Variants in EPHA8 observed in about 807,000 individuals in gnomAD.
EPHA8 encodes the protein ephrin type-A receptor 8.
EPHA8 carries 58 observed loss-of-function variants against 103.6 expected under a neutral mutation model. That is an observed-to-expected ratio of 0.56 (90% confidence interval 0.45 to 0.70). EPHA8 has a LOEUF of 0.70. EPHA8 is among the 30% of genes least tolerant of loss of function. EPHA8 has a pLI of 0.00. For synonymous variants in EPHA8, 559 were observed against 572.5 expected, an observed-to-expected ratio of 0.98 and a Z score of 0.34; for missense variants, 1,304 against 1,395.2, an observed-to-expected ratio of 0.93 and a Z score of 1.04.
chr1:22,570,112 G>A (rs1172434106), intron 2 of EPHA8, among the ~76,000 whole-genome samples: 1 of 152,196 alleles, frequency 6.6e-6, no homozygotes, highest in African/African-American at 2.4e-5. Flanking sequence ...TCTTGGCACC[G>A]AGTCTGGCAC....
rs1233938022 is a variant in EPHA8, at chr1:22,576,251, A to G, written c.194A>G (p.Gln65Arg). The change falls in exon 3 of 17, where the codon CAG (glutamine) becomes CGG (arginine). Residue 65 changes from glutamine (Q) to arginine (R), a missense_variant. Gln to Arg is a conservative substitution (Grantham distance 43, BLOSUM62 1). Coordinates refer to ENST00000166244, the MANE Select transcript of EPHA8 (RefSeq NM_020526.5). This position sits in a 1 kb window ranked among gnomAD's most constrained non-coding sequence, Gnocchi z 4.8. The part of the protein sequence containing the change: ...DSINEVDESF[Q>R]PIHTYQVCNV... ...ATCAACGAGGTGGACGAGTCCTTCC[A>G]GCCCATCCACACGTACCAGGTTTGC... 6.2e-7 allele frequency: 1 copy of G among 1,612,896 alleles called. No homozygotes were observed. The highest frequency in any genetic ancestry group is 8.5e-7 in the Non-Finnish European group (1 of 1,179,386).
chr1:22,578,876 C>CAT (rs1553146062), intron 3 of EPHA8, among the ~76,000 whole-genome samples: 1 of 119,872 alleles, frequency 8.3e-6, no homozygotes, highest in Non-Finnish European at 1.7e-5. Flanking sequence ...TGCACGTGTC[C>CAT]GTGTGTCCGT....
chr1:22,579,083 ACGTGCATGTGTGCATGTGTATG>A (rs1640943098), intron 3 of EPHA8, among the ~76,000 whole-genome samples: 1 of 107,196 alleles, frequency 9.3e-6, no homozygotes, highest in Admixed American at 8.6e-5. Flanking sequence ...GTGCATGTGT[ACGTGCATGTGTGCATGTGTATG>A]TGTGCATGTG....
intron 5 of EPHA8, among the ~76,000 whole-genome samples, chr1:22,591,235 T>A (rs67275312): frequency 0.16 from 24,904 of 151,066 alleles, 2,092 homozygotes; most frequent in South Asian, 0.26. Context: ...ACAAAAAAAA[T>A]TTTTTTTGAG....
chr1:22,600,223 A>G (rs1183977489), intron 13 of EPHA8, among the ~76,000 whole-genome samples: 3 of 135,384 alleles, frequency 2.2e-5, no homozygotes, highest in African/African-American at 9.4e-5. Flanking sequence ...GTGGGAGGGA[A>G]AGAAGAAAGG....
chr1:22,593,764 A>C (rs535105185), intron 7 of EPHA8, 78 bp downstream of exon 7: 7 of 1,431,000 alleles, frequency 4.9e-6, no homozygotes, highest in Middle Eastern at 4.7e-4. Flanking sequence ...CCGAGGAGAG[A>C]GCTAGTGCAG....
In EPHA8 at chr1:22,595,217, C is replaced by A. The variant is rs1424678781; in HGVS notation, c.1604-13C>A. On this transcript the variant is annotated splice_polypyrimidine_tract_variant and intron_variant, in intron 7 of 16. Transcript: ENST00000166244. ...TGAGAGCCTGGTCCCCCAACCCTGG[C>A]TTTCCCCTGCAGGGCCCCGCTATGA... is the stretch of plus-strand genomic sequence containing the variant. 9.4e-6 allele frequency: 15 copies of A among 1,601,168 alleles called. No homozygotes were observed. The highest frequency in any genetic ancestry group is 1.2e-5 in the Non-Finnish European group (14 of 1,170,936).
In EPHA8 at chr1:22,598,162, A is replaced by G; in HGVS notation, c.2128A>G (p.Met710Val). Residue 710 changes from methionine (M) to valine (V), a missense_variant, in exon 12 of 17, where the codon ATG becomes GTG. Met to Val is a conservative substitution (Grantham distance 21, BLOSUM62 1). Transcript: ENST00000166244. The surrounding 1 kb of genome is among the most constrained non-coding windows in gnomAD (Gnocchi z 5.1). ...TACTGCCCGCCCAGGCCGCCTGGCA[A>G]TGATTGTGACTGAGTACATGGAGAA... Reference protein sequence around the residue: ...EGVVTRGRLAMIVTEYMENGS... With the variant: ...EGVVTRGRLAVIVTEYMENGS... 1 of 1,613,420 alleles carries G rather than the reference A, an allele frequency of 6.2e-7. No individual in the cohort carries two copies.
Position 22,595,254 on chromosome 1 carries a change from T to C in EPHA8, c.1628T>C (p.Ile543Thr). 3 of 1,613,502 alleles carry C rather than the reference T, an allele frequency of 1.9e-6. No homozygotes were observed. The highest frequency in any genetic ancestry group is 2.5e-6 in the Non-Finnish European group (3 of 1,179,650). ...KPRPRYDTRTIVWICLTLITG... is the reference protein window; with the variant it reads ...KPRPRYDTRTTVWICLTLITG... ...GGGCCCCGCTATGACACCAGGACCA[T>C]TGTCTGGATCTGCCTGACGCTCATC... is the stretch of plus-strand genomic sequence containing the variant. Residue 543 changes from isoleucine (I) to threonine (T), a missense_variant, in exon 8 of 17, where the codon ATT becomes ACT. Coordinates refer to ENST00000166244, the MANE Select transcript of EPHA8 (RefSeq NM_020526.5).
intron 1 of EPHA8, among the ~76,000 whole-genome samples, chr1:22,565,031 G>A (rs547555433): frequency 4.6e-5 from 7 of 152,154 alleles, no homozygotes; most frequent in African/African-American, 1.2e-4. Flanking sequence ...TGACATGTGC[G>A]GTCAGTCTCC....
intron 2 of EPHA8, among the ~76,000 whole-genome samples, chr1:22,573,202 C>T (rs1416480163): frequency 1.3e-5 from 2 of 152,160 alleles, no homozygotes; most frequent in Admixed American, 6.5e-5. Flanking sequence ...CCTGGGGCCC[C>T]TTTGGAAGCA....
Position 22,598,423 on chromosome 1 carries a change from G to T in EPHA8, c.2178+211G>T, listed in dbSNP as rs950344385. 4.6e-5 allele frequency among the ~76,000 whole-genome samples: 7 copies of T among 152,184 alleles called. No homozygotes were observed. The highest frequency in any genetic ancestry group is 1.7e-4 in the African/African-American group (7 of 41,452). The stretch of plus-strand genomic sequence containing the variant: ...GCATGAAAGTCCCTCTGCTCCATGG[G>T]ATCCTGCTGCCCTGCACACAGGCTG... On this transcript the variant is annotated intron_variant, in intron 12 of 16. Transcript: ENST00000166244. The surrounding 1 kb of genome is among the most constrained non-coding windows in gnomAD (Gnocchi z 5.1).
Position 22,570,382 on chromosome 1 carries a change from ACGCG to A in EPHA8, c.159+1037_159+1040del, listed in dbSNP as rs201751155. 8.7e-3 allele frequency among the ~76,000 whole-genome samples: 795 copies of A among 91,802 alleles called. 2 individuals are homozygous for A. The highest frequency in any genetic ancestry group is 0.035 in the South Asian group (101 of 2,910). The allele number at this position is 91,802 out of a possible 152,430, so 60.2% of individuals were successfully genotyped here. A position where few individuals can be genotyped will look rare whatever the true frequency, so the allele number is the denominator to read the frequency against. ...TGCACACACGTGTGCGCGTACACAC[ACGCG>A]CGCGCGCATACGCACATATGCACAC... On this transcript the variant is annotated intron_variant, in intron 2 of 16. Coordinates refer to ENST00000166244, the MANE Select transcript of EPHA8 (RefSeq NM_020526.5).
At position 22,595,965 on chromosome 1, in the gene EPHA8, C is replaced by T. The variant is rs1471447050; in HGVS notation, c.1698-141C>T. 3 of 693,424 alleles carry T rather than the reference C, an allele frequency of 4.3e-6. No homozygotes were observed. The East Asian group carries it at 8.2e-5, about 19-fold the overall frequency. The allele number at this position is 693,424 out of a possible 1,614,324, so 43.0% of individuals were successfully genotyped here. On this transcript the variant is annotated intron_variant, in intron 8 of 16. Transcript: ENST00000166244. ...AGAGCCTGGAGTCAGGGACTCTCCC[C>T]TGCAGACTTTGTAAGGAGCAGGAGC... is the stretch of plus-strand genomic sequence containing the variant.
chr1:22,591,043 C>T (rs1020575091), intron 5 of EPHA8, among the ~76,000 whole-genome samples: 3 of 151,928 alleles, frequency 2.0e-5, no homozygotes, highest in African/African-American at 7.3e-5. Flanking sequence ...GGAGACCCCT[C>T]TTGCCTCACC....
chr1:22,586,941 G>A (rs1641229321), intron 4 of EPHA8, among the ~76,000 whole-genome samples: 1 of 152,278 alleles, frequency 6.6e-6, no homozygotes, highest in African/African-American at 2.4e-5. Flanking sequence ...CGATGCCGAT[G>A]TCCTGGGGGC....
intron 4 of EPHA8, among the ~76,000 whole-genome samples, chr1:22,588,011 A>G (rs887542070): frequency 6.6e-6 from 1 of 152,196 alleles, no homozygotes; most frequent in Non-Finnish European, 1.5e-5. Context: ...TTTCTTTCCA[A>G]ACCCACAGTT....
At chr1:22,579,198 T>TA (rs1413523116) in intron 3 of EPHA8, among the ~76,000 whole-genome samples, 1 of 150,894 alleles carries the variant, frequency 6.6e-6, no homozygotes, top group Non-Finnish European at 1.5e-5. Context: ...AATATATGTG[T>TA]ACCTGTGTGC....
rs199556802 is a variant in EPHA8, at chr1:22,597,519, G to A, written c.1930+43G>A. On this transcript the variant is annotated intron_variant, in intron 10 of 16. Transcript: ENST00000166244. The surrounding 1 kb of genome is among the most constrained non-coding windows in gnomAD (Gnocchi z 4.6). ...TGAGGGCGGGGCCAGCATGGGGCAA[G>A]GTGGGGGCACCCAGGGCAAGGTGGG... is the stretch of plus-strand genomic sequence containing the variant. 1.9e-6 allele frequency: 3 copies of A among 1,596,318 alleles called. No individual in the cohort carries two copies. The highest frequency in any genetic ancestry group is 2.3e-5 in the South Asian group (2 of 88,538).
Sources: allele counts gnomAD v4.1 joint callset (sites outside exome capture counted in the v4.1 genomes callset), GRCh38; gene constraint gnomAD v4.1.1; non-coding constraint Gnocchi (gnomAD v3.1); transcripts MANE v1.5; gene names NCBI Gene and HGNC (gene_info 2026-07-23, HGNC 2026-07-21).